The following PTPRN2 variants were observed in gnomAD, a reference collection of about 807,000 sequenced individuals.
The protein encoded by PTPRN2 is receptor-type tyrosine-protein phosphatase N2.
A neutral mutation model predicts 118.8 loss-of-function variants in PTPRN2; 74 were observed. That is an observed-to-expected ratio of 0.62 (90% CI 0.52 to 0.76). The LOEUF (loss-of-function observed/expected upper bound fraction) is 0.76, where lower values mean the gene tolerates loss of function less well. Among genes scored for constraint, PTPRN2 ranks in the 30% least tolerant of loss-of-function variants. The pLI is 0.00. For missense variants in PTPRN2, 1,481 were observed against 1,394.4 expected, an observed-to-expected ratio of 1.06 and a Z score of -0.99; for synonymous variants, 641 against 608.0, an observed-to-expected ratio of 1.05 and a Z score of -0.80.
At chr7:157,998,198 C>G (rs1187977102) in intron 11 of PTPRN2, among the ~76,000 whole-genome samples, 1 of 152,030 alleles carries the variant, frequency 6.6e-6, no homozygotes, top group Non-Finnish European at 1.5e-5. Context: ...CGGGCTGCAG[C>G]CTGGCTTCAG....
chr7:158,243,861 G>A (rs1796034501), intron 3 of PTPRN2, among the ~76,000 whole-genome samples: 1 of 152,120 alleles, frequency 6.6e-6, no homozygotes. Flanking sequence ...CTCCTAAATA[G>A]CAGTCTGTTT....
At chr7:158,375,236 A>T (rs1810406781) in intron 2 of PTPRN2, among the ~76,000 whole-genome samples, 1 of 152,224 alleles carries the variant, frequency 6.6e-6, no homozygotes, top group Non-Finnish European at 1.5e-5. Flanking sequence ...TATACCAGGC[A>T]AGTGCCCACA....
rs531513093 is a variant in PTPRN2 at position 158,336,270 on chromosome 7, G to A, written c.164-19338C>T. ...ACACGTCACTCGCACTCACACTCTA[G>A]CCATAAGAGCTGACGCCCGCAGACG... On this transcript the variant is annotated intron_variant, in intron 2 of 22. Transcript: ENST00000389418. Among the ~76,000 whole-genome samples, 87 of 26,446 alleles carry A rather than the reference G, an allele frequency of 3.3e-3. 3 individuals are homozygous for A. The highest frequency in any genetic ancestry group is 0.017 in the East Asian group (17 of 986). 17.3% of individuals were successfully genotyped at this position (26,446 alleles called of 152,430 possible). A position where few individuals can be genotyped will look rare whatever the true frequency, so the allele number is the denominator to read the frequency against.
chr7:158,170,150 G>A lies in PTPRN2; in HGVS notation c.550-2859C>T, dbSNP rs79391313. 7.5e-3 allele frequency among the ~76,000 whole-genome samples: 1,146 copies of A among 152,314 alleles called. 17 individuals are homozygous for A. Among genetic ancestry groups the A allele is most frequent in the African/African-American group, 0.025 (1,034 of 41,564 alleles). ...CAAGAGCGTGAGAAAGAGCGAGAGC[G>A]AGCGAGCGAGAGACAGTGAATGCCA... On this transcript the variant is annotated intron_variant, in intron 5 of 22. Transcript: ENST00000389418.
At chr7:158,233,829 C>G (rs548069957) in intron 3 of PTPRN2, among the ~76,000 whole-genome samples, 7 of 152,042 alleles carry the variant, frequency 4.6e-5, no homozygotes, top group Non-Finnish European at 7.4e-5. Flanking sequence ...CGTTTATAAC[C>G]AACTCATTTT....
rs765292126 is a variant in PTPRN2 at position 158,167,204 on chromosome 7, G to A, written c.637C>T (p.Arg213Cys). ...TYPPGSRTQL[R>C]EDLLPRTLGQ... ...AGGGTCCGCGGCAGGAGGTCCTCGC[G>A]GAGCTGGGTCCGGGACCCGGGAGGG... Residue 213 changes from arginine to cysteine, a missense_variant, in exon 6 of 23, where the codon CGC becomes TGC. Physicochemically the swap from Arg to Cys is radical, Grantham distance 180. This residue lies in a region of PTPRN2 where 1,115 missense variants were observed against 994.2 expected (regional missense o/e 1.12). Transcript: ENST00000389418. 89 of 1,613,550 alleles carry A rather than the reference G, an allele frequency of 5.5e-5. No individual in the cohort carries two copies. Among genetic ancestry groups the A allele is most frequent in the Non-Finnish European group, 7.0e-5 (83 of 1,179,938 alleles).
chr7:158,406,390 A>T (rs1040582407), intron 2 of PTPRN2, among the ~76,000 whole-genome samples: 5 of 137,248 alleles, frequency 3.6e-5, no homozygotes, highest in Admixed American at 2.8e-4. Context: ...CATCCGTGAG[A>T]CATGTGGCTG....
intron 12 of PTPRN2, among the ~76,000 whole-genome samples, chr7:157,898,384 A>C (rs1270811296): frequency 1.1e-4 from 17 of 152,200 alleles, no homozygotes. Context: ...GGAAGGAAGC[A>C]CCTATTTTCT....
intron 11 of PTPRN2, among the ~76,000 whole-genome samples, chr7:158,000,667 C>T (rs1387132069): frequency 9.5e-6 from 1 of 105,406 alleles, no homozygotes; most frequent in Non-Finnish European, 1.9e-5. Flanking sequence ...GGTGTCCGGC[C>T]GCAGGTGGGG....
intron 2 of PTPRN2, among the ~76,000 whole-genome samples, chr7:158,407,179 C>G (rs376025554): frequency 0.041 from 1,929 of 47,172 alleles, 59 homozygotes; most frequent in Middle Eastern, 0.089. Context: ...CTGCGTCCTG[C>G]GTCCTGGGTC....
At chr7:158,232,174 T>C (rs539302070) in intron 3 of PTPRN2, among the ~76,000 whole-genome samples, 7 of 151,692 alleles carry the variant, frequency 4.6e-5, no homozygotes, top group African/African-American at 1.5e-4. Flanking sequence ...AAACAAAAAG[T>C]TTTTTGAAAA....
intron 1 of PTPRN2, among the ~76,000 whole-genome samples, chr7:158,549,416 G>A (rs1383810850): frequency 2.0e-5 from 3 of 152,242 alleles, no homozygotes; most frequent in Non-Finnish European, 2.9e-5. Flanking sequence ...GTTGCAGCGA[G>A]ACTCAGACCC....
intron 12 of PTPRN2, among the ~76,000 whole-genome samples, chr7:157,841,353 G>A (rs1808406716): frequency 6.6e-6 from 1 of 152,338 alleles, no homozygotes; most frequent in East Asian, 1.9e-4. Context: ...CCACATGGTG[G>A]GAAGCTCAAA....
intron 11 of PTPRN2, among the ~76,000 whole-genome samples, chr7:157,942,477 G>A (rs1311238532): frequency 2.0e-5 from 3 of 152,088 alleles, no homozygotes; most frequent in Non-Finnish European, 2.9e-5. Context: ...TATCTTTACA[G>A]ACACAAAATG....
At position 157,604,014 on chromosome 7, in the gene PTPRN2, G is replaced by A. The variant is rs1011735443; in HGVS notation, c.2406C>T (p.Asn802=). The A allele has an allele frequency of 9.9e-6, 16 of 1,613,844 alleles. No individual in the cohort carries two copies. Among genetic ancestry groups the A allele is most frequent in the Admixed American group, 5.0e-5 (3 of 60,002 alleles). Residue 802 remains asparagine, a synonymous_variant, in exon 16 of 23, where the codon AAC becomes AAT. Coordinates refer to ENST00000389418, the MANE Select transcript of PTPRN2 (RefSeq NM_002847.5). ...GCAGTGCACTTACGATGGGGCTAGC[G>A]TTGATGTAGTCTGAGTGGCTGTGGC... ...ENSHSHSDYI[N]ASPIMDHDPR...
In PTPRN2 at chr7:158,311,031, A is replaced by G. The variant is rs536778801; in HGVS notation, c.277+5788T>C. ...GTGGATCTCAGCTCCTCTCAGCAAG[A>G]AGGAAAGCCTCCAAGCTCCAAGGGC... On this transcript the variant is annotated intron_variant, in intron 3 of 22. Transcript: ENST00000389418. 9.7e-4 allele frequency among the ~76,000 whole-genome samples: 148 copies of G among 152,182 alleles called. 1 individual carries two copies. The highest frequency in any genetic ancestry group is 1.2e-3 in the South Asian group (6 of 4,818).
At chr7:158,473,262 AC>A (rs1235095477) in intron 2 of PTPRN2, among the ~76,000 whole-genome samples, 1 of 152,130 alleles carries the variant, frequency 6.6e-6, no homozygotes, top group Non-Finnish European at 1.5e-5. Flanking sequence ...ATTTCTCTAA[AC>A]ACTGCAGCCA....
At chr7:158,053,855 TCCAGAGACGCAGAGACC>T (rs1563365993) in intron 11 of PTPRN2, among the ~76,000 whole-genome samples, 1,293 of 66,294 alleles carry the variant, frequency 0.02, 95 homozygotes, top group African/African-American at 0.076. Context: ...ACGCAGAGAC[TCCAGAGACGCAGAGACC>T]CCAGAGATGC....
intron 1 of PTPRN2, among the ~76,000 whole-genome samples, chr7:158,564,551 C>G (rs1451707704): frequency 6.6e-6 from 1 of 152,244 alleles, no homozygotes; most frequent in Non-Finnish European, 1.5e-5. Context: ...CGGGGCTAGG[C>G]AGTTGCCAGG....
Sources: gnomAD v4.1 joint callset for allele counts (sites outside exome capture counted in the v4.1 genomes callset) on GRCh38, gnomAD v4.1.1 for gene constraint, gnomAD v4.1.1 regional missense constraint, MANE v1.5 for transcripts, NCBI Gene and HGNC (gene_info 2026-07-23, HGNC 2026-07-21) for gene names.